Variants in DNAH14 observed in about 807,000 individuals in gnomAD.
DNAH14 encodes the protein axonemal beta dynein heavy chain 14.
A neutral mutation model predicts 520.9 loss-of-function variants in DNAH14; 478 were observed. The ratio of observed to expected loss-of-function variants is 0.92; its 90% CI spans 0.85 to 0.99. The LOEUF is 0.99. Among genes scored for constraint, DNAH14 ranks in the 50% least tolerant of loss-of-function variants. DNAH14 has a pLI of 0.00. For missense variants in DNAH14, 4,831 were observed against 5,234.5 expected (o/e 0.92, Z 2.38); for synonymous variants, 1,581 against 1,757.2 (o/e 0.90, Z 2.51).
At chr1:225,048,941 G>A (rs2068220404) in intron 15 of DNAH14, among the ~76,000 whole-genome samples, 3 of 151,396 alleles carry the variant, frequency 2.0e-5, no homozygotes, top group South Asian at 4.2e-4. Context: ...TCTTATTGTG[G>A]TAATTTTCAT....
chr1:225,000,629 T>A (rs1417429384), intron 8 of DNAH14, among the ~76,000 whole-genome samples: 1 of 150,766 alleles, frequency 6.6e-6, no homozygotes, highest in South Asian at 2.1e-4. Context: ...CTGGATGGAG[T>A]GCAGTGGCAT....
chr1:225,354,059 T>C (rs1408566691), intron 73 of DNAH14, 171 bp downstream of exon 73: 1 of 683,958 alleles, frequency 1.5e-6, no homozygotes, highest in East Asian at 2.7e-5. Context: ...GCTTCTTTCA[T>C]GTGGAGAGTC....
chr1:225,178,250 G>A (rs1422692663), intron 36 of DNAH14, among the ~76,000 whole-genome samples: 1 of 152,132 alleles, frequency 6.6e-6, no homozygotes, highest in Non-Finnish European at 1.5e-5. Context: ...ACATACCCAA[G>A]ACTGGGAAGA....
At chr1:224,954,769 A>C (rs921832924) in intron 2 of DNAH14, among the ~76,000 whole-genome samples, 190 bp from the exon 3 acceptor site, 1 of 152,162 alleles carries the variant, frequency 6.6e-6, no homozygotes, top group Non-Finnish European at 1.5e-5. Context: ...GAGTGAATAG[A>C]TATTATATTG....
intron 9 of DNAH14, among the ~76,000 whole-genome samples, chr1:225,003,410 A>G (rs924979937): frequency 6.6e-6 from 1 of 152,066 alleles, no homozygotes; most frequent in African/African-American, 2.4e-5. Flanking sequence ...TAAGTCTACA[A>G]TTGAACAAGA....
chr1:225,288,550 GGGGAAATT>G (rs1311881160), intron 54 of DNAH14, among the ~76,000 whole-genome samples: 11 of 152,092 alleles, frequency 7.2e-5, no homozygotes, highest in Non-Finnish European at 1.5e-4. Flanking sequence ...GATGCTAATA[GGGGAAATT>G]GGATGTGGAT....
intron 34 of DNAH14, among the ~76,000 whole-genome samples, chr1:225,156,029 C>T (rs888396344): frequency 2.0e-5 from 3 of 152,058 alleles, no homozygotes; most frequent in Non-Finnish European, 4.4e-5. Context: ...TTCCTCTTCC[C>T]GTCCCTGTCC....
At chr1:225,254,891 G>C (rs587196) in intron 44 of DNAH14, among the ~76,000 whole-genome samples, 48,645 of 151,978 alleles carry the variant, frequency 0.32, 9,062 homozygotes, top group East Asian at 0.61. Flanking sequence ...TTCAACTCAC[G>C]TCATGGTAGC....
intron 55 of DNAH14, among the ~76,000 whole-genome samples, chr1:225,292,848 T>G (rs1453451925): frequency 6.6e-6 from 1 of 152,148 alleles, no homozygotes; most frequent in East Asian, 1.9e-4. Context: ...GTATTTTATT[T>G]TATTTATTGT....
At chr1:224,948,484 A>G (rs958885803) in intron 1 of DNAH14, among the ~76,000 whole-genome samples, 1 of 151,804 alleles carries the variant, frequency 6.6e-6, no homozygotes, top group African/African-American at 2.4e-5. Context: ...TGTCTTTTGA[A>G]TAGGGTATAA....
chr1:224,933,204 C>T (rs964182874), intron 1 of DNAH14, among the ~76,000 whole-genome samples: 1 of 151,676 alleles, frequency 6.6e-6, no homozygotes, highest in Non-Finnish European at 1.5e-5. Context: ...AATTAGATTG[C>T]CTGCTTGATT....
rs1042050765 is a variant in DNAH14, at chr1:225,145,214, A to G, written c.4741-112A>G. On this transcript the variant is annotated intron_variant, in intron 29 of 85. Coordinates refer to ENST00000682510, the MANE Select transcript of DNAH14 (RefSeq NM_001367479.1). ...TAAATTTGATTTTTAATTCATCTCCATATTGCAAAGTTTTCTCAAAAGCAT... is the reference window on the plus strand; with the variant it reads ...TAAATTTGATTTTTAATTCATCTCCGTATTGCAAAGTTTTCTCAAAAGCAT... 1.2e-5 allele frequency: 9 copies of G among 740,806 alleles called. 1 individual carries two copies. Among genetic ancestry groups the G allele is most frequent in the African/African-American group, 1.1e-4 (6 of 56,168 alleles). The allele number at this position is 740,806 out of a possible 1,614,324, so 45.9% of individuals were successfully genotyped here. A position where few individuals can be genotyped will look rare whatever the true frequency, so the allele number is the denominator to read the frequency against.
At chr1:224,943,755 C>T (rs1402052040) in intron 1 of DNAH14, among the ~76,000 whole-genome samples, 1 of 152,050 alleles carries the variant, frequency 6.6e-6, no homozygotes, top group Non-Finnish European at 1.5e-5. Context: ...ATTATGTACC[C>T]AGTAGTCATT....
chr1:225,098,094 G>C (rs1224538103), intron 22 of DNAH14, among the ~76,000 whole-genome samples: 1 of 152,148 alleles, frequency 6.6e-6, no homozygotes, highest in South Asian at 2.1e-4. Flanking sequence ...CTACTTGGGA[G>C]GTTGAGGTGA....
chr1:225,202,644 A>G (rs1449995737), intron 38 of DNAH14, among the ~76,000 whole-genome samples: 1 of 152,152 alleles, frequency 6.6e-6, no homozygotes, highest in East Asian at 1.9e-4. Flanking sequence ...TAGGGCTTTC[A>G]TGCTTCCTCC....
At chr1:224,936,389 A>G (rs2059038662) in intron 1 of DNAH14, among the ~76,000 whole-genome samples, 1 of 127,200 alleles carries the variant, frequency 7.9e-6, no homozygotes, top group Admixed American at 7.1e-5. Context: ...AGGAGACACT[A>G]CAACTGATAC....
At chr1:225,039,199 T>G (rs1233557181) in intron 12 of DNAH14, among the ~76,000 whole-genome samples, 1 of 151,292 alleles carries the variant, frequency 6.6e-6, no homozygotes, top group African/African-American at 2.4e-5. Flanking sequence ...AAAAAGGGAA[T>G]GCAGGAGTGA....
intron 81 of DNAH14, among the ~76,000 whole-genome samples, chr1:225,386,464 T>A (rs1483508371): frequency 2.6e-5 from 4 of 152,124 alleles, no homozygotes; most frequent in Non-Finnish European, 4.4e-5. Context: ...TGGGAGAAAA[T>A]TTTTGCAATC....
chr1:225,274,077 T>C (rs1439735382), intron 52 of DNAH14, among the ~76,000 whole-genome samples: 1 of 152,182 alleles, frequency 6.6e-6, no homozygotes, highest in African/African-American at 2.4e-5. Context: ...CAAATGGTAG[T>C]TCTGTTTCTA....
Sources: allele counts gnomAD v4.1 joint callset (sites outside exome capture counted in the v4.1 genomes callset), GRCh38; gene constraint gnomAD v4.1.1; transcripts MANE v1.5; gene names NCBI Gene and HGNC (gene_info 2026-07-23, HGNC 2026-07-21).